ZC3H14: variants seen among roughly 807,000 people sequenced by gnomAD.
ZC3H14 encodes the protein zinc finger CCCH-type containing 14.
ZC3H14 carries 31 observed loss-of-function variants against 92.4 expected under a neutral mutation model. The observed-to-expected ratio is 0.34, with a 90% confidence interval of 0.25 to 0.45. The LOEUF (loss-of-function observed/expected upper bound fraction) is 0.45, where lower values mean the gene tolerates loss of function less well. ZC3H14 is among the 20% of genes least tolerant of loss of function. The probability of loss-of-function intolerance (pLI) is 1.00; values close to 1 mark genes in which losing one functional copy is unlikely to be tolerated. For missense variants in ZC3H14, 781 were observed against 897.3 expected (o/e 0.87, Z 1.66); for synonymous variants, 321 against 300.9 (o/e 1.07, Z -0.69).
Position 88,616,444 on chromosome 14 carries a change from C to G in ZC3H14, c.*4693C>G. 1 of 619,950 alleles carries G rather than the reference C, an allele frequency of 1.6e-6. No individual in the cohort carries two copies. Among genetic ancestry groups the G allele is most frequent in the Non-Finnish European group, 2.8e-6 (1 of 358,586 alleles). The allele number at this position is 619,950 out of a possible 1,614,324, so 38.4% of individuals were successfully genotyped here. A position where few individuals can be genotyped will look rare whatever the true frequency, so the allele number is the denominator to read the frequency against. Reference sequence around the variant, plus strand: ...GGGCAGTCAGATGTCTCCAGGTACTCTGACCATTTTTCTCTAAGGAAAAGC... The same window carrying G: ...GGGCAGTCAGATGTCTCCAGGTACTGTGACCATTTTTCTCTAAGGAAAAGC... On this transcript the variant is annotated 3_prime_UTR_variant, in exon 17 of 17. Coordinates refer to ENST00000251038, the MANE Select transcript of ZC3H14 (RefSeq NM_024824.5).
intron 10 of ZC3H14, 52 bp downstream of exon 10, chr14:88,596,860 C>G (rs763872843): frequency 7.0e-7 from 1 of 1,422,712 alleles, no homozygotes; most frequent in Admixed American, 1.7e-5. Context: ...GTTGCCATTT[C>G]CATTTCTTAC....
chr14:88,585,216 G>A (rs1411171536), intron 9 of ZC3H14, among the ~76,000 whole-genome samples: 1 of 152,046 alleles, frequency 6.6e-6, no homozygotes, highest in Admixed American at 6.6e-5. Flanking sequence ...ACAATTACTG[G>A]TATAGTTGGA....
intron 9 of ZC3H14, among the ~76,000 whole-genome samples, chr14:88,578,928 G>A (rs747403549): frequency 2.0e-5 from 3 of 151,156 alleles, no homozygotes; most frequent in Non-Finnish European, 4.4e-5. Context: ...CAGAACTAAC[G>A]CTATTAGTTT....
rs756396097 is a variant in ZC3H14 at position 88,625,795 on chromosome 14, T to C, written c.*14044T>C. 2.6e-5 allele frequency: 4 copies of C among 152,354 alleles called. No individual in the cohort carries two copies. Among genetic ancestry groups the C allele is most frequent in the Non-Finnish European group, 4.4e-5 (3 of 68,044 alleles). 9.4% of individuals were successfully genotyped at this position (152,354 alleles called of 1,614,324 possible). A position where few individuals can be genotyped will look rare whatever the true frequency, so the allele number is the denominator to read the frequency against. On this transcript the variant is annotated 3_prime_UTR_variant, in exon 17 of 17. Coordinates refer to ENST00000251038, the MANE Select transcript of ZC3H14 (RefSeq NM_024824.5). The stretch of plus-strand genomic sequence containing the variant: ...CACAAACATTTCAATAGTCTTTTTC[T>C]CAAAAATGTAAGTGTACTTAAATAT...
chr14:88,611,640 C>T, intron 16 of ZC3H14, 105 bp from the exon 17 acceptor site: 2 of 1,343,082 alleles, frequency 1.5e-6, no homozygotes, highest in Non-Finnish European at 2.1e-6. Context: ...AATCTTATGA[C>T]CAAATATTTA....
chr14:88,569,678 G>A (rs1244033983), intron 3 of ZC3H14, among the ~76,000 whole-genome samples: 1 of 152,226 alleles, frequency 6.6e-6, no homozygotes, highest in African/African-American at 2.4e-5. Flanking sequence ...CCGAATTTGA[G>A]TGCAAGAGGA....
intron 12 of ZC3H14, among the ~76,000 whole-genome samples, chr14:88,603,273 C>T (rs938383886): frequency 5.3e-5 from 8 of 152,150 alleles, no homozygotes; most frequent in Non-Finnish European, 2.9e-5. Context: ...AGTTTGAAAA[C>T]GGAGTTCAGC....
At chr14:88,587,549 T>G (rs567874605) in intron 9 of ZC3H14, among the ~76,000 whole-genome samples, 1 of 152,180 alleles carries the variant, frequency 6.6e-6, no homozygotes, top group Non-Finnish European at 1.5e-5. Flanking sequence ...CCTGTTCTTT[T>G]ATATTGTCAA....
Position 88,626,511 on chromosome 14 carries a change from C to G in ZC3H14, c.*14760C>G, listed in dbSNP as rs2089965492. 1 of 256,260 alleles carries G rather than the reference C, an allele frequency of 3.9e-6. No homozygotes were observed. The highest frequency in any genetic ancestry group is 4.9e-5 in the Admixed American group (1 of 20,286). 15.9% of individuals were successfully genotyped at this position (256,260 alleles called of 1,614,324 possible). ...GGTGGTTCCTGCCCTGTAGTCCCAGCTACTAAGGAGGCTGAGGATCACTTG... is the reference window on the plus strand; with the variant it reads ...GGTGGTTCCTGCCCTGTAGTCCCAGGTACTAAGGAGGCTGAGGATCACTTG... On this transcript the variant is annotated 3_prime_UTR_variant, in exon 17 of 17. Coordinates refer to ENST00000251038, the MANE Select transcript of ZC3H14 (RefSeq NM_024824.5).
In ZC3H14 at chr14:88,605,264, G is replaced by C. The variant is rs574388640; in HGVS notation, c.1748-1979G>C. Among the ~76,000 whole-genome samples, 3 of 152,306 alleles carry C rather than the reference G, an allele frequency of 2.0e-5. No individual in the cohort carries two copies. The South Asian group carries it at 6.2e-4, about 32-fold the overall frequency. ...TGACACAAAAAACCTGTAAAAATTA[G>C]AGAAACTTCCAGTCATCTCACATTT... is the stretch of plus-strand genomic sequence containing the variant. On this transcript the variant is annotated intron_variant, in intron 12 of 16. Coordinates refer to ENST00000251038, the MANE Select transcript of ZC3H14 (RefSeq NM_024824.5).
intron 9 of ZC3H14, among the ~76,000 whole-genome samples, chr14:88,596,078 T>C (rs987284524): frequency 1.3e-5 from 2 of 152,198 alleles, no homozygotes; most frequent in Non-Finnish European, 2.9e-5. Context: ...TTGTTAGGAA[T>C]AGTGAACCTA....
intron 11 of ZC3H14, among the ~76,000 whole-genome samples, chr14:88,602,579 G>T (rs2084802847): frequency 6.6e-6 from 1 of 152,202 alleles, no homozygotes; most frequent in Non-Finnish European, 1.5e-5. Context: ...ATGGGGTCAG[G>T]CTTGAGGGGA....
chr14:88,605,072 T>TA (rs2085172093), intron 12 of ZC3H14, among the ~76,000 whole-genome samples: 1 of 152,226 alleles, frequency 6.6e-6, no homozygotes, highest in Admixed American at 6.5e-5. Flanking sequence ...CATTTCTTTG[T>TA]AAAGTATTAT....
intron 13 of ZC3H14, among the ~76,000 whole-genome samples, chr14:88,607,811 A>AC (rs2085756081): frequency 1.5e-5 from 1 of 66,518 alleles, no homozygotes; most frequent in South Asian, 5.7e-4. Context: ...ACCATCCCCC[A>AC]CCTCAGCCTG....
rs1385567140 is a variant in ZC3H14, at chr14:88,617,377, C to T, written c.*5626C>T. The T allele has an allele frequency of 6.5e-6, 1 of 152,762 alleles. No individual in the cohort carries two copies. Among genetic ancestry groups the T allele is most frequent in the African/African-American group, 2.4e-5 (1 of 41,400 alleles). 9.5% of individuals were successfully genotyped at this position (152,762 alleles called of 1,614,324 possible). A position where few individuals can be genotyped will look rare whatever the true frequency, so the allele number is the denominator to read the frequency against. On this transcript the variant is annotated 3_prime_UTR_variant, in exon 17 of 17. Transcript: ENST00000251038. ...GGTCAGGCTAGTCTCGAACTCCCGA[C>T]CTCAGGTGATCACCCCCGCTCGGCC...
At chr14:88,603,861 G>A (rs368460104) in intron 12 of ZC3H14, among the ~76,000 whole-genome samples, 2 of 152,104 alleles carry the variant, frequency 1.3e-5, no homozygotes, top group African/African-American at 4.8e-5. Flanking sequence ...TACCTTTCTC[G>A]ATCATTAAAA....
At chr14:88,609,246 T>C (rs754289338) in intron 13 of ZC3H14, 21 bp from the exon 14 acceptor site, 129 of 1,613,326 alleles carry the variant, frequency 8.0e-5, no homozygotes, top group Admixed American at 5.0e-5. Context: ...ATATGAAATA[T>C]GCTTTTTTTT....
rs530921389 is a variant in ZC3H14 at position 88,620,767 on chromosome 14, T to C, written c.*9016T>C. 1.3e-6 allele frequency: 2 copies of C among 1,594,802 alleles called. No homozygotes were observed. Among genetic ancestry groups the C allele is most frequent in the East Asian group, 2.2e-5 (1 of 44,686 alleles). On this transcript the variant is annotated 3_prime_UTR_variant, in exon 17 of 17. Coordinates refer to ENST00000251038, the MANE Select transcript of ZC3H14 (RefSeq NM_024824.5). This position sits in a 1 kb window ranked among gnomAD's most constrained non-coding sequence, Gnocchi z 4.3. ...TTGTTCACTAACCTGATATCATGGA[T>C]TGCACATCTCCTGTCTCTCTTCTTT... is the stretch of plus-strand genomic sequence containing the variant.
chr14:88,621,200 G>C lies in ZC3H14; in HGVS notation c.*9449G>C. The C allele has an allele frequency of 6.2e-7, 1 of 1,613,898 alleles. No individual in the cohort carries two copies. The highest frequency in any genetic ancestry group is 8.5e-7 in the Non-Finnish European group (1 of 1,179,870). ...TGGAAGGATGTGTTGCTAGTCCCCA[G>C]ATTGGCCCATCCACATGACCGTTAA... On this transcript the variant is annotated 3_prime_UTR_variant, in exon 17 of 17. Transcript: ENST00000251038.
Sources: gnomAD v4.1 joint callset for allele counts (sites outside exome capture counted in the v4.1 genomes callset) on GRCh38, gnomAD v4.1.1 for gene constraint, Gnocchi (gnomAD v3.1) non-coding constraint, MANE v1.5 for transcripts, NCBI Gene and HGNC (gene_info 2026-07-23, HGNC 2026-07-21) for gene names.